TBC1D9B: variants seen among roughly 807,000 people sequenced by gnomAD.
TBC1D9B encodes TBC1 domain family member 9B.
Under a neutral mutation model 121.1 loss-of-function variants are expected in TBC1D9B, and 87 were observed. The ratio of observed to expected loss-of-function variants is 0.72; its 90% CI spans 0.60 to 0.86. The LOEUF is 0.86. Ranked by LOEUF, TBC1D9B falls within the 40% of genes least tolerant of loss-of-function variation. TBC1D9B has a pLI of 0.00. For missense variants in TBC1D9B, 1,540 were observed against 1,628.6 expected (o/e 0.95, Z 0.94); for synonymous variants, 668 against 670.1 (o/e 1.00, Z 0.05).
In TBC1D9B at chr5:179,899,319, T is replaced by C. The variant is rs746125952; in HGVS notation, c.230-12A>G. 6.2e-7 allele frequency: 1 copy of C among 1,609,340 alleles called. No individual in the cohort carries two copies. On this transcript the variant is annotated splice_polypyrimidine_tract_variant and intron_variant, in intron 2 of 20. Transcript: ENST00000355235. ...TTTGCGGGAAGAACCTAGAAGAGGT[T>C]TGGTAAAGTAAAAGAAAAATCATGA...
chr5:179,872,565 G>T, intron 14 of TBC1D9B: 1 of 355,912 alleles, frequency 2.8e-6, no homozygotes, highest in Non-Finnish European at 5.2e-6. Flanking sequence ...ATGGCGGCAT[G>T]TTGCTACCTG....
At position 179,878,542 on chromosome 5, in the gene TBC1D9B, C is replaced by T; in HGVS notation, c.1568-19G>A. ...CAGGCCCCTGGGGAGACACGGGTGC[C>T]AGCTGTCTCTGTCCTTCTTCTGGTA... On this transcript the variant is annotated intron_variant, in intron 9 of 20. Transcript: ENST00000355235. The T allele has an allele frequency of 6.3e-7, 1 of 1,579,226 alleles. No individual in the cohort carries two copies. The highest frequency in any genetic ancestry group is 8.6e-7 in the Non-Finnish European group (1 of 1,160,726).
intron 2 of TBC1D9B, among the ~76,000 whole-genome samples, chr5:179,903,380 C>T (rs1014290480): frequency 2.0e-5 from 3 of 152,216 alleles, no homozygotes; most frequent in Non-Finnish European, 4.4e-5. Context: ...AGCAGGTACC[C>T]GCTGAAAGGG....
chr5:179,877,664 C>CAAAAAA (rs564753950), intron 10 of TBC1D9B, among the ~76,000 whole-genome samples: 41 of 66,242 alleles, frequency 6.2e-4, no homozygotes, highest in East Asian at 1.1e-3. Flanking sequence ...GATTCTATCT[C>CAAAAAA]AAAAAAAAAA....
At chr5:179,906,351 G>A (rs989569743) in intron 1 of TBC1D9B, among the ~76,000 whole-genome samples, 1 of 152,188 alleles carries the variant, frequency 6.6e-6, no homozygotes, top group South Asian at 2.1e-4. Context: ...GGGACACGGA[G>A]AGTGAGGTGG....
rs752651425 is a variant in TBC1D9B at position 179,899,171 on chromosome 5, G to A, written c.348+18C>T. 6.4e-7 allele frequency: 1 copy of A among 1,555,438 alleles called. No homozygotes were observed. Among genetic ancestry groups the A allele is most frequent in the South Asian group, 1.3e-5 (1 of 79,840 alleles). ...GGCCAGGGAAGGGTGAGAACAGAGA[G>A]TGGCGGGTAAACCTTACGTGTATCT... On this transcript the variant is annotated intron_variant, in intron 3 of 20. Coordinates refer to ENST00000355235, the MANE Select transcript of TBC1D9B (RefSeq NM_015043.4).
Position 179,865,762 on chromosome 5 carries a change from A to G in TBC1D9B, c.2914+76T>C. ...CGGGGTAGGGGGCTCCCTGGCAGTG[A>G]CTGGGGAAAAGACCAGCAAGCAAGG... On this transcript the variant is annotated intron_variant, in intron 19 of 20. Transcript: ENST00000355235. The surrounding 1 kb of genome is among the most constrained non-coding windows in gnomAD (Gnocchi z 5.1). 1.3e-6 allele frequency: 2 copies of G among 1,487,098 alleles called. No homozygotes were observed. The highest frequency in any genetic ancestry group is 1.4e-5 in the African/African-American group (1 of 71,292). 92.1% of individuals were successfully genotyped at this position (1,487,098 alleles called of 1,614,324 possible).
At chr5:179,864,854 C>T (rs549277753) in intron 20 of TBC1D9B, among the ~76,000 whole-genome samples, 1 of 152,348 alleles carries the variant, frequency 6.6e-6, no homozygotes, top group East Asian at 1.9e-4. Flanking sequence ...GGCTTTGAGA[C>T]CCTTGGCAAG....
At position 179,893,208 on chromosome 5, in the gene TBC1D9B, C is replaced by G. The variant is rs1434468749; in HGVS notation, c.836+1G>C. The stretch of plus-strand genomic sequence containing the variant: ...CACCCCAGCCCTGGAGGGCAACGCA[C>G]CGCTTCAGGGCTGAGATGTTCCTGT... On this transcript the variant is annotated splice_donor_variant, in intron 5 of 20. Coordinates refer to ENST00000355235, the MANE Select transcript of TBC1D9B (RefSeq NM_015043.4). LOFTEE classifies it high-confidence loss of function. 4 of 1,601,212 alleles carry G rather than the reference C, an allele frequency of 2.5e-6. No individual in the cohort carries two copies. Among genetic ancestry groups the G allele is most frequent in the Non-Finnish European group, 3.4e-6 (4 of 1,173,078 alleles).
At chr5:179,887,220 G>C (rs543947276) in intron 7 of TBC1D9B, among the ~76,000 whole-genome samples, 1 of 152,234 alleles carries the variant, frequency 6.6e-6, no homozygotes, top group Non-Finnish European at 1.5e-5. Context: ...GCCACTGGCC[G>C]CTGGATCCAG....
At position 179,904,852 on chromosome 5, in the gene TBC1D9B, G is replaced by C. The variant is rs372871710; in HGVS notation, c.119-40C>G. ...GAGAGACATAGAGGGTGAGGGGAGG[G>C]CCGGACTGAGGCCCCTGAAGGCTGA... On this transcript the variant is annotated intron_variant, in intron 1 of 20. Coordinates refer to ENST00000355235, the MANE Select transcript of TBC1D9B (RefSeq NM_015043.4). The surrounding 1 kb of genome is among the most constrained non-coding windows in gnomAD (Gnocchi z 4.2). 5.6e-4 allele frequency: 787 copies of C among 1,397,476 alleles called. No individual in the cohort carries two copies. Among genetic ancestry groups the C allele is most frequent in the Non-Finnish European group, 7.0e-4 (716 of 1,018,692 alleles). The allele number at this position is 1,397,476 out of a possible 1,614,324, so 86.6% of individuals were successfully genotyped here. A position where few individuals can be genotyped will look rare whatever the true frequency, so the allele number is the denominator to read the frequency against.
chr5:179,907,625 C>CCCGCCCG lies in TBC1D9B; in HGVS notation c.118+72_118+78dup, dbSNP rs1181249309. 5.2e-5 allele frequency: 42 copies of CCCGCCCG among 801,952 alleles called. No individual in the cohort carries two copies. Among genetic ancestry groups the CCCGCCCG allele is most frequent in the Admixed American group, 1.3e-4 (2 of 15,502 alleles). 49.7% of individuals were successfully genotyped at this position (801,952 alleles called of 1,614,324 possible). On this transcript the variant is annotated intron_variant, in intron 1 of 20. Transcript: ENST00000355235. This position sits in a 1 kb window ranked among gnomAD's most constrained non-coding sequence, Gnocchi z 5.3. ...GCGCCGAGGCCGGGCCGGAACCGGACCCGCCCGCCGCCCGCCGCCAGCCCC... is the reference window on the plus strand; with the variant it reads ...GCGCCGAGGCCGGGCCGGAACCGGACCCGCCCGCCGCCCGCCGCCCGCCGCCAGCCCC...
chr5:179,896,402 A>G (rs1761018432), intron 3 of TBC1D9B, among the ~76,000 whole-genome samples: 1 of 152,270 alleles, frequency 6.6e-6, no homozygotes, highest in Non-Finnish European at 1.5e-5. Flanking sequence ...TGCTGGGATT[A>G]CAGGTGTGAG....
Position 179,873,152 on chromosome 5 carries a change from C to T in TBC1D9B, c.2283G>A (p.Val761=). The T allele has an allele frequency of 6.2e-7, 1 of 1,612,632 alleles. No individual in the cohort carries two copies. Among genetic ancestry groups the T allele is most frequent in the Non-Finnish European group, 8.5e-7 (1 of 1,179,418 alleles). Residue 761 remains valine, a synonymous_variant, in exon 13 of 21, where the codon GTG becomes GTA. Transcript: ENST00000355235. ...LSSSDDPPAE[V]DIFELLKVSY... is the part of the protein sequence containing the mutation. ...ACACTTTCAGGAGCTCAAAGATGTC[C>T]ACCTCTGCAGGGGGGTCATCGCTGC...
chr5:179,865,233 G>A lies in TBC1D9B; in HGVS notation c.3021+21C>T, dbSNP rs1409190143. The A allele has an allele frequency of 1.2e-6, 2 of 1,610,172 alleles. No individual in the cohort carries two copies. The highest frequency in any genetic ancestry group is 1.3e-5 in the African/African-American group (1 of 74,868). On this transcript the variant is annotated intron_variant, in intron 20 of 20. Coordinates refer to ENST00000355235, the MANE Select transcript of TBC1D9B (RefSeq NM_015043.4). This position sits in a 1 kb window ranked among gnomAD's most constrained non-coding sequence, Gnocchi z 5.1. ...TCAGAACTCTCCAGAAATGTCTACT[G>A]TGGGCTCCAGTGGAGCCTACCTGGT...
At chr5:179,894,305 G>A in intron 4 of TBC1D9B, 81 bp downstream of exon 4, 2 of 1,309,228 alleles carry the variant, frequency 1.5e-6, no homozygotes, top group Non-Finnish European at 2.1e-6. Flanking sequence ...TGGTGGCCAT[G>A]TGGGGATGGA....
At position 179,891,571 on chromosome 5, in the gene TBC1D9B, T is replaced by A. The variant is rs1432334485; in HGVS notation, c.852A>T (p.Arg284=). 1.9e-6 allele frequency: 3 copies of A among 1,613,198 alleles called. No individual in the cohort carries two copies. The Admixed American group carries it at 5.0e-5, about 27-fold the overall frequency. ...TGGCTCGGTAGCACTCATTCTTGGC[T>A]CGGGCGTCCAGGTCTCTGGGGAAAC... ...ISALKRDLDA[R]AKNECYRATF... Residue 284 remains arginine, a synonymous_variant, in exon 6 of 21, where the codon CGA becomes CGT. Coordinates refer to ENST00000355235, the MANE Select transcript of TBC1D9B (RefSeq NM_015043.4). This position sits in a 1 kb window ranked among gnomAD's most constrained non-coding sequence, Gnocchi z 4.3.
intron 5 of TBC1D9B, among the ~76,000 whole-genome samples, chr5:179,892,794 A>G (rs1313691877): frequency 6.6e-6 from 1 of 152,120 alleles, no homozygotes; most frequent in East Asian, 1.9e-4. Context: ...GCCCAGATTT[A>G]CCAAAGCCTT....
chr5:179,892,474 G>A (rs891421598), intron 5 of TBC1D9B, among the ~76,000 whole-genome samples: 1 of 152,234 alleles, frequency 6.6e-6, no homozygotes, highest in Non-Finnish European at 1.5e-5. Flanking sequence ...TGGGACCCAG[G>A]GAACCTCAGA....
Sources: allele counts gnomAD v4.1 joint callset (sites outside exome capture counted in the v4.1 genomes callset), GRCh38; gene constraint gnomAD v4.1.1; non-coding constraint Gnocchi (gnomAD v3.1); transcripts MANE v1.5; gene names NCBI Gene and HGNC (gene_info 2026-07-23, HGNC 2026-07-21).